Variants in CDKAL1 observed in about 807,000 individuals in gnomAD.
The protein encoded by CDKAL1 is threonylcarbamoyladenosine tRNA methylthiotransferase.
Under a neutral mutation model 68.2 loss-of-function variants are expected in CDKAL1, and 32 were observed. The ratio of observed to expected loss-of-function variants is 0.47; its 90% CI spans 0.35 to 0.63. CDKAL1 has a LOEUF of 0.63. Ranked by LOEUF, CDKAL1 falls within the 30% of genes least tolerant of loss-of-function variation. The pLI is 0.00. For synonymous variants in CDKAL1, 234 were observed against 244.3 expected (o/e 0.96, Z 0.39); for missense variants, 606 against 696.7 (o/e 0.87, Z 1.47).
chr6:21,224,117 C>T (rs1421633301), intron 15 of CDKAL1, among the ~76,000 whole-genome samples: 1 of 152,246 alleles, frequency 6.6e-6, no homozygotes, highest in East Asian at 1.9e-4. Flanking sequence ...GTGGCAGGCA[C>T]AGTCATGTCC....
intron 7 of CDKAL1, among the ~76,000 whole-genome samples, chr6:20,761,141 A>G (rs1774444211): frequency 6.6e-6 from 1 of 152,272 alleles, no homozygotes; most frequent in Admixed American, 6.5e-5. Flanking sequence ...CAAATGTCAA[A>G]TTAGCATATA....
chr6:20,909,534 C>T (rs999597331), intron 9 of CDKAL1, among the ~76,000 whole-genome samples: 1 of 152,080 alleles, frequency 6.6e-6, no homozygotes, highest in African/African-American at 2.4e-5. Flanking sequence ...GCTTTAGGTG[C>T]TTTATTTAAA....
At chr6:21,199,060 G>A (rs1461358040) in intron 14 of CDKAL1, among the ~76,000 whole-genome samples, 1 of 152,190 alleles carries the variant, frequency 6.6e-6, no homozygotes, top group East Asian at 1.9e-4. Context: ...ATCAAATGGA[G>A]CTTCCTACTT....
intron 10 of CDKAL1, among the ~76,000 whole-genome samples, chr6:20,967,448 CTT>C (rs1765374375): frequency 6.6e-6 from 1 of 152,088 alleles, no homozygotes; most frequent in African/African-American, 2.4e-5. Flanking sequence ...TTATAACACT[CTT>C]ATTTTGATCA....
At chr6:20,697,904 A>G (rs16884135) in intron 5 of CDKAL1, among the ~76,000 whole-genome samples, 2,280 of 152,274 alleles carry the variant, frequency 0.015, 48 homozygotes, top group African/African-American at 0.052. Context: ...TGACTGAAGT[A>G]ATTGATTGCC....
intron 9 of CDKAL1, among the ~76,000 whole-genome samples, chr6:20,861,926 TC>T (rs1343700064): frequency 6.6e-6 from 1 of 152,200 alleles, no homozygotes; most frequent in African/African-American, 2.4e-5. Flanking sequence ...ACCACATTGA[TC>T]AAATGACCTG....
chr6:20,802,833 G>A (rs1379279319), intron 8 of CDKAL1, among the ~76,000 whole-genome samples: 4 of 152,224 alleles, frequency 2.6e-5, no homozygotes, highest in African/African-American at 7.2e-5. Context: ...CATCTTAAAT[G>A]TCTTAGATTA....
intron 8 of CDKAL1, among the ~76,000 whole-genome samples, chr6:20,792,469 T>A (rs1010512250): frequency 1.3e-5 from 2 of 152,238 alleles, no homozygotes; most frequent in Non-Finnish European, 2.9e-5. Context: ...AAGTTCTTTC[T>A]CCCTTGTGAA....
At chr6:20,970,937 C>T (rs1462242988) in intron 10 of CDKAL1, among the ~76,000 whole-genome samples, 1 of 152,220 alleles carries the variant, frequency 6.6e-6, no homozygotes, top group African/African-American at 2.4e-5. Context: ...CAACCTCTGC[C>T]TCCCAGATTC....
intron 9 of CDKAL1, among the ~76,000 whole-genome samples, chr6:20,952,674 A>C (rs1035799292): frequency 2.6e-5 from 4 of 152,248 alleles, no homozygotes; most frequent in Non-Finnish European, 5.9e-5. Context: ...TTCTGTCCGT[A>C]AGTCTAGCCA....
intron 13 of CDKAL1, among the ~76,000 whole-genome samples, chr6:21,196,883 C>T (rs188551178): frequency 5.5e-4 from 83 of 152,208 alleles, no homozygotes; most frequent in Admixed American, 2.2e-3. Context: ...TGAGTCCAGG[C>T]ATGGTGGCTC....
At chr6:20,868,405 C>T (rs1760019505) in intron 9 of CDKAL1, among the ~76,000 whole-genome samples, 1 of 152,222 alleles carries the variant, frequency 6.6e-6, no homozygotes, top group Non-Finnish European at 1.5e-5. Flanking sequence ...ACATTCTCTT[C>T]AAGACAGTTT....
intron 5 of CDKAL1, among the ~76,000 whole-genome samples, chr6:20,732,238 T>TTTTTTC (rs1254142202): frequency 6.7e-6 from 1 of 148,898 alleles, no homozygotes; most frequent in Non-Finnish European, 1.5e-5. Flanking sequence ...TTCCTTTTCT[T>TTTTTTC]TTTTTCTTTT....
At chr6:21,212,606 A>G (rs1779194560) in intron 15 of CDKAL1, among the ~76,000 whole-genome samples, 1 of 152,208 alleles carries the variant, frequency 6.6e-6, no homozygotes, top group Non-Finnish European at 1.5e-5. Context: ...TACCTAAAAT[A>G]ATAGAACATT....
intron 5 of CDKAL1, among the ~76,000 whole-genome samples, chr6:20,666,688 CTTT>C (rs35042364): frequency 1.0e-3 from 139 of 135,800 alleles, no homozygotes; most frequent in Middle Eastern, 3.8e-3. Context: ...CCAAAGAATC[CTTT>C]TTTTTTTTTT....
chr6:20,652,505 C>A (rs963675698), intron 5 of CDKAL1, among the ~76,000 whole-genome samples: 6 of 152,138 alleles, frequency 3.9e-5, no homozygotes, highest in Admixed American at 3.9e-4. Flanking sequence ...TTCTTAGAAA[C>A]CTTCTTCTAG....
At chr6:21,226,249 T>C (rs1430019537) in intron 15 of CDKAL1, among the ~76,000 whole-genome samples, 3 of 152,086 alleles carry the variant, frequency 2.0e-5, no homozygotes, top group African/African-American at 4.8e-5. Flanking sequence ...CTTTAACTGA[T>C]TGAAATCTGA....
intron 4 of CDKAL1, among the ~76,000 whole-genome samples, chr6:20,575,441 C>CAAAAA (rs57442477): frequency 2.1e-3 from 195 of 93,726 alleles, no homozygotes; most frequent in African/African-American, 2.6e-3. Context: ...AGGGGCACCA[C>CAAAAA]AAAAAAAAAA....
At chr6:20,827,702 A>C (rs993057659) in intron 8 of CDKAL1, among the ~76,000 whole-genome samples, 1 of 152,152 alleles carries the variant, frequency 6.6e-6, no homozygotes, top group African/African-American at 2.4e-5. Context: ...AACATTTGCA[A>C]AGTTCCAAAT....
Sources: gnomAD v4.1 joint callset for allele counts (sites outside exome capture counted in the v4.1 genomes callset) on GRCh38, gnomAD v4.1.1 for gene constraint, MANE v1.5 for transcripts, NCBI Gene and HGNC (gene_info 2026-07-23, HGNC 2026-07-21) for gene names.